FABP6: variants seen among roughly 807,000 people sequenced by gnomAD.
FABP6 encodes the protein gastrotropin.
A neutral mutation model predicts 14.9 loss-of-function variants in FABP6; 13 were observed. The observed-to-expected ratio is 0.87, with a 90% CI of 0.57 to 1.39. The LOEUF is 1.39. FABP6 is among the 40% of genes most tolerant of loss of function. The probability of loss-of-function intolerance (pLI) is 0.00; values close to 1 mark genes in which losing one functional copy is unlikely to be tolerated. For synonymous variants in FABP6, 75 were observed against 63.6 expected, an observed-to-expected ratio of 1.18 and a Z score of -0.85; for missense variants, 161 against 167.2, an observed-to-expected ratio of 0.96 and a Z score of 0.20.
At chr5:160,190,207 T>C (rs765223576) in intron 1 of FABP6, among the ~76,000 whole-genome samples, 1 of 152,190 alleles carries the variant, frequency 6.6e-6, no homozygotes, top group Non-Finnish European at 1.5e-5. Flanking sequence ...ACACCTTCTA[T>C]GTGCAACTGT....
intron 1 of FABP6, chr5:160,197,391 TCA>T (rs1355183526): frequency 1.3e-5 from 2 of 152,218 alleles, no homozygotes; most frequent in African/African-American, 4.8e-5. Context: ...ACCACAGGCT[TCA>T]CAGTCTTAAT....
intron 1 of FABP6, among the ~76,000 whole-genome samples, chr5:160,191,651 G>A (rs4921258): frequency 0.88 from 134,257 of 151,856 alleles, 59,493 homozygotes; most frequent in Non-Finnish European, 0.92. Context: ...TCACTATATT[G>A]CCAAGGCTGG....
intron 3 of FABP6, 35 bp from the exon 4 acceptor site, chr5:160,238,571 G>A (rs371319029): frequency 9.9e-5 from 158 of 1,603,630 alleles, no homozygotes; most frequent in Non-Finnish European, 1.3e-4. Context: ...TTGGGGTGGG[G>A]CACTGACTCC....
intron 1 of FABP6, among the ~76,000 whole-genome samples, chr5:160,191,846 G>A (rs1580894055): frequency 1.3e-5 from 2 of 150,656 alleles, no homozygotes; most frequent in African/African-American, 4.9e-5. Flanking sequence ...GGTGGCAGGC[G>A]CCTTGTAGTC....
intron 1 of FABP6, chr5:160,198,960 C>T: frequency 1.3e-6 from 1 of 793,458 alleles, no homozygotes; most frequent in Non-Finnish European, 2.1e-6. Flanking sequence ...AGTGAGCAGT[C>T]AATAAAATGG....
chr5:160,188,289 A>G (rs1759328366), intron 1 of FABP6, among the ~76,000 whole-genome samples: 1 of 152,134 alleles, frequency 6.6e-6, no homozygotes, highest in Admixed American at 6.5e-5. Flanking sequence ...GCCACACGCG[A>G]TCAAATGCTG....
At chr5:160,216,023 C>T (rs551987605) in intron 3 of FABP6, among the ~76,000 whole-genome samples, 5 of 152,108 alleles carry the variant, frequency 3.3e-5, no homozygotes, top group South Asian at 2.1e-4. Context: ...GCCAATGTGG[C>T]GGAAGGACAT....
At chr5:160,235,403 C>T (rs1760486815) in intron 3 of FABP6, among the ~76,000 whole-genome samples, 2 of 152,154 alleles carry the variant, frequency 1.3e-5, no homozygotes, top group South Asian at 4.1e-4. Flanking sequence ...AATCTCCACA[C>T]TATTAAATAT....
At chr5:160,220,803 A>T (rs1760113197) in intron 3 of FABP6, among the ~76,000 whole-genome samples, 1 of 151,820 alleles carries the variant, frequency 6.6e-6, no homozygotes, top group Admixed American at 6.6e-5. Context: ...AGATTTGAGG[A>T]CAGACCGGGC....
At position 160,232,149 on chromosome 5, in the gene FABP6, A is replaced by C; in HGVS notation, c.119A>C (p.Glu40Ala). 6.2e-7 allele frequency: 1 copy of C among 1,614,038 alleles called. No individual in the cohort carries two copies. The highest frequency in any genetic ancestry group is 8.5e-7 in the Non-Finnish European group (1 of 1,180,008). ...EKARNFKIVTEVQQDGQDFTW... is the reference protein window; with the variant it reads ...EKARNFKIVTAVQQDGQDFTW... ...GCCCGCAACTTCAAGATCGTCACGG[A>C]GGTGCAGCAGGATGGGCAGGACTTC... Residue 40 changes from glutamate (E) to alanine (A), a missense_variant, in exon 2 of 4, where the codon GAG becomes GCG. Glu to Ala is a moderately radical substitution (Grantham distance 107, BLOSUM62 -1). Transcript: ENST00000402432.
intron 1 of FABP6, among the ~76,000 whole-genome samples, chr5:160,193,275 T>A (rs368526392): frequency 4.6e-5 from 7 of 152,158 alleles, no homozygotes; most frequent in Non-Finnish European, 7.3e-5. Flanking sequence ...TGTTCGTTCC[T>A]CCCGGTGGGC....
chr5:160,221,694 G>C (rs571674066), intron 3 of FABP6, among the ~76,000 whole-genome samples: 59 of 133,536 alleles, frequency 4.4e-4, no homozygotes, highest in African/African-American at 1.6e-3. Flanking sequence ...AAGTCCCTTT[G>C]AATAATGGAT....
upstream of FABP6, chr5:160,229,457 G>A (rs7733205): frequency 9.5e-4 from 1,506 of 1,588,358 alleles, 8 homozygotes; most frequent in African/African-American, 0.017. Flanking sequence ...TAGGGGCTGA[G>A]CCTCAGCAAC....
At chr5:160,209,243 G>T (rs1017290368) in intron 2 of FABP6, among the ~76,000 whole-genome samples, 1 of 152,088 alleles carries the variant, frequency 6.6e-6, no homozygotes, top group Non-Finnish European at 1.5e-5. Context: ...AAGGTCTGGT[G>T]TGGTGGCTCA....
rs552465973 is a variant in FABP6 at position 160,237,568 on chromosome 5, A to G, written c.334-1038A>G. Among the ~76,000 whole-genome samples the G allele has an allele frequency of 3.9e-5, 6 of 151,972 alleles. No homozygotes were observed. In the South Asian group the frequency reaches 1.2e-3, roughly 32 times the overall value. ...GCCTTCCGCCACCAGCACCCCTGCC[A>G]TGTTCTCATCACCTCTCCCCTACAC... On this transcript the variant is annotated intron_variant, in intron 3 of 3. Transcript: ENST00000402432.
chr5:160,219,858 C>T (rs1484509564), intron 3 of FABP6, among the ~76,000 whole-genome samples: 1 of 152,158 alleles, frequency 6.6e-6, no homozygotes, highest in Non-Finnish European at 1.5e-5. Context: ...TCTAGGGCCC[C>T]ACCCCAGACC....
intron 2 of FABP6, among the ~76,000 whole-genome samples, chr5:160,200,681 T>C (rs1759617424): frequency 6.6e-6 from 1 of 152,184 alleles, no homozygotes; most frequent in African/African-American, 2.4e-5. Flanking sequence ...CCCAAAGTGC[T>C]GGGGTTACAG....
At chr5:160,206,006 G>T (rs1452415750) in intron 2 of FABP6, among the ~76,000 whole-genome samples, 1 of 151,760 alleles carries the variant, frequency 6.6e-6, no homozygotes, top group Non-Finnish European at 1.5e-5. Flanking sequence ...TGTAGCCTAA[G>T]GCAGCAAACC....
chr5:160,199,746 G>T (rs1759592587), intron 2 of FABP6, among the ~76,000 whole-genome samples: 2 of 152,148 alleles, frequency 1.3e-5, no homozygotes, highest in African/African-American at 4.8e-5. Context: ...AGTGTCCGGC[G>T]CGGGGAGGGA....
Sources: gnomAD v4.1 joint callset for allele counts (sites outside exome capture counted in the v4.1 genomes callset) on GRCh38, gnomAD v4.1.1 for gene constraint, MANE v1.5 for transcripts, NCBI Gene and HGNC (gene_info 2026-07-23, HGNC 2026-07-21) for gene names.